Variants in PDC observed in about 807,000 individuals in gnomAD.
PDC encodes phosducin.
A neutral mutation model predicts 22.2 loss-of-function variants in PDC; 19 were observed. The ratio of observed to expected loss-of-function variants is 0.86; its 90% CI spans 0.60 to 1.26. The LOEUF is 1.26. Among genes scored for constraint, PDC ranks in the 50% most tolerant of loss-of-function variants. The pLI is 0.00. For synonymous variants in PDC, 97 were observed against 96.2 expected, an observed-to-expected ratio of 1.01 and a Z score of -0.05; for missense variants, 274 against 286.8, an observed-to-expected ratio of 0.96 and a Z score of 0.32.
At chr1:186,459,538 T>G (rs974839183) in intron 1 of PDC, among the ~76,000 whole-genome samples, 4 of 152,094 alleles carry the variant, frequency 2.6e-5, no homozygotes, top group Non-Finnish European at 5.9e-5. Context: ...TAAATATACA[T>G]ATTCCTGTAC....
chr1:186,453,035 C>T (rs1662383337), intron 1 of PDC, among the ~76,000 whole-genome samples: 1 of 152,102 alleles, frequency 6.6e-6, no homozygotes, highest in African/African-American at 2.4e-5. Context: ...TTTTATCACC[C>T]TCTTCGAAAG....
At chr1:186,447,077 A>G (rs1432836645) in intron 2 of PDC, among the ~76,000 whole-genome samples, 1 of 152,200 alleles carries the variant, frequency 6.6e-6, no homozygotes, top group Non-Finnish European at 1.5e-5. Context: ...GCTTTAGGAA[A>G]ATTATTACGA....
At chr1:186,459,748 GTGTGTATATATATA>G (rs1044339731) in intron 1 of PDC, among the ~76,000 whole-genome samples, 2 of 40,066 alleles carry the variant, frequency 5.0e-5, no homozygotes, top group African/African-American at 2.8e-4. Flanking sequence ...ATATGTGTGT[GTGTGTATATATATA>G]TATATATATA....
At position 186,446,466 on chromosome 1, in the gene PDC, C is replaced by G. The variant is rs374767376; in HGVS notation, c.173G>C (p.Ser58Thr). 26 of 1,609,110 alleles carry G rather than the reference C, an allele frequency of 1.6e-5. No individual in the cohort carries two copies. The highest frequency in any genetic ancestry group is 2.2e-5 in the Non-Finnish European group (26 of 1,176,538). The part of the protein sequence containing the change: ...EILRQMSSPQ[S>T]RNGKDSKERV... ...TTCCTTTGAATCTTTGCCATTCCTA[C>G]TCTGAGGAGAAGACATTTGCCTGAG... Residue 58 changes from serine to threonine, a missense_variant, in exon 3 of 4, where the codon AGT (serine) becomes ACT (threonine). Physicochemically the swap from Ser to Thr is moderately conservative, Grantham distance 58 (BLOSUM62 1). Coordinates refer to ENST00000391997, the MANE Select transcript of PDC (RefSeq NM_002597.5).
intron 1 of PDC, among the ~76,000 whole-genome samples, chr1:186,449,814 A>T (rs1317852750): frequency 2.0e-5 from 3 of 152,132 alleles, no homozygotes; most frequent in Non-Finnish European, 4.4e-5. Context: ...TGATTTTCCT[A>T]ATTTCCTAAT....
Position 186,461,090 on chromosome 1 carries a change from G to C in PDC, c.-56C>G, listed in dbSNP as rs1378344313. Reference sequence around the variant, plus strand: ...GATCTCTGTGCCTGGTGTCCTTGTTGAGTGGGTGAGAATCCCTGTCTACTG... The same window carrying C: ...GATCTCTGTGCCTGGTGTCCTTGTTCAGTGGGTGAGAATCCCTGTCTACTG... On this transcript the variant is annotated 5_prime_UTR_variant, in exon 1 of 4. Transcript: ENST00000391997. 6.5e-6 allele frequency: 1 copy of C among 154,696 alleles called. No individual in the cohort carries two copies. The highest frequency in any genetic ancestry group is 1.5e-5 in the Non-Finnish European group (1 of 68,212). 9.6% of individuals were successfully genotyped at this position (154,696 alleles called of 1,614,324 possible).
At chr1:186,458,981 G>A (rs1266866281) in intron 1 of PDC, among the ~76,000 whole-genome samples, 2 of 152,128 alleles carry the variant, frequency 1.3e-5, no homozygotes, top group African/African-American at 4.8e-5. Context: ...GGGCAACATG[G>A]CAAAACCCCA....
chr1:186,452,773 C>T lies in PDC; in HGVS notation c.-24-3290G>A, dbSNP rs556191990. ...AAATGACAATAGGATTATTACAGGT[C>T]TTTGGGTAAGCACATCTTTGTGTGA... On this transcript the variant is annotated intron_variant, in intron 1 of 3. Coordinates refer to ENST00000391997, the MANE Select transcript of PDC (RefSeq NM_002597.5). 4.1e-4 allele frequency among the ~76,000 whole-genome samples: 62 copies of T among 152,140 alleles called. No homozygotes were observed. The South Asian group carries it at 0.012, about 30-fold the overall frequency.
At chr1:186,455,938 C>CTCCA (rs2102137582) in intron 1 of PDC, among the ~76,000 whole-genome samples, 1 of 128,126 alleles carries the variant, frequency 7.8e-6, no homozygotes, top group African/African-American at 3.1e-5. Context: ...CGCCACTGCA[C>CTCCA]TCCAGCCTGG....
chr1:186,449,427 T>C lies in PDC; in HGVS notation c.33A>G (p.Glu11=), dbSNP rs369506577. 6.2e-7 allele frequency: 1 copy of C among 1,607,926 alleles called. No individual in the cohort carries two copies. The highest frequency in any genetic ancestry group is 2.2e-5 in the East Asian group (1 of 44,746). ...TATGTGTGGCCTGTCCTTCAAAGTC[T>C]TCCTCCAAACTTTGGCTTTTGGCTT... is the stretch of plus-strand genomic sequence containing the variant. The part of the protein sequence containing the change: MEEAKSQSLE[E]DFEGQATHTG... Residue 11 remains glutamate (E), a synonymous_variant, in exon 2 of 4, where the codon GAA becomes GAG. Transcript: ENST00000391997.
intron 1 of PDC, among the ~76,000 whole-genome samples, chr1:186,460,202 TG>T (rs1393177458): frequency 1.3e-5 from 2 of 152,208 alleles, no homozygotes; most frequent in Non-Finnish European, 2.9e-5. Context: ...CAGTTACCCT[TG>T]GTCAACCTTG....
At chr1:186,453,486 TAAG>T (rs1168829975) in intron 1 of PDC, among the ~76,000 whole-genome samples, 1 of 152,208 alleles carries the variant, frequency 6.6e-6, no homozygotes, top group East Asian at 1.9e-4. Context: ...CAGTATTGCT[TAAG>T]AAGAGCTTAG....
Position 186,444,329 on chromosome 1 carries a change from G to A in PDC, c.391C>T (p.Leu131=). The change falls in exon 4 of 4, where the codon CTG becomes TTG. Residue 131 remains leucine, a synonymous_variant. Coordinates refer to ENST00000391997, the MANE Select transcript of PDC (RefSeq NM_002597.5). The part of the protein sequence containing the change: ...KQFLETIEKE[L]KITTIVVHIY... ...TGAACAACAATTGTGGTGATCTTCA[G>A]TTCCTTTTCAATTGTTTCTAGGAAT... is the stretch of plus-strand genomic sequence containing the variant. 2.5e-6 allele frequency: 4 copies of A among 1,613,868 alleles called. No individual in the cohort carries two copies. Among genetic ancestry groups the A allele is most frequent in the Non-Finnish European group, 1.7e-6 (2 of 1,179,826 alleles).
chr1:186,444,720 C>T (rs542008768), intron 3 of PDC, among the ~76,000 whole-genome samples: 1 of 152,236 alleles, frequency 6.6e-6, no homozygotes, highest in South Asian at 2.1e-4. Flanking sequence ...AGGTCCCCAT[C>T]TCACACTCTC....
At chr1:186,459,750 GTGTA>G (rs1322817832) in intron 1 of PDC, among the ~76,000 whole-genome samples, 2 of 68,558 alleles carry the variant, frequency 2.9e-5, no homozygotes, top group African/African-American at 9.3e-5. Flanking sequence ...ATGTGTGTGT[GTGTA>G]TATATATATA....
chr1:186,458,226 CTTTT>C (rs1157926478), intron 1 of PDC, among the ~76,000 whole-genome samples: 132 of 88,392 alleles, frequency 1.5e-3, no homozygotes, highest in African/African-American at 5.8e-3. Flanking sequence ...TACAGATATT[CTTTT>C]TTTTTTTTTT....
At chr1:186,446,278 G>A (rs1662225420) in intron 3 of PDC, 148 bp downstream of exon 3, 2 of 493,882 alleles carry the variant, frequency 4.0e-6, no homozygotes, top group Non-Finnish European at 7.0e-6. Flanking sequence ...TGCCACAATA[G>A]GTGTTCACTT....
chr1:186,447,723 T>C (rs1456038661), intron 2 of PDC, among the ~76,000 whole-genome samples: 6 of 151,980 alleles, frequency 3.9e-5, no homozygotes, highest in Admixed American at 3.9e-4. Flanking sequence ...ATATATTTAA[T>C]ATAAATTTGT....
intron 2 of PDC, 23 bp from the exon 3 acceptor site, chr1:186,446,600 T>C (rs199695786): frequency 1.1e-5 from 16 of 1,419,882 alleles, no homozygotes; most frequent in Non-Finnish European, 1.5e-5. Context: ...TAAAAATAAA[T>C]TGTTTTCCTT....
Sources: gnomAD v4.1 joint callset for allele counts (sites outside exome capture counted in the v4.1 genomes callset) on GRCh38, gnomAD v4.1.1 for gene constraint, MANE v1.5 for transcripts, NCBI Gene and HGNC (gene_info 2026-07-23, HGNC 2026-07-21) for gene names.